TP63: variants seen among roughly 807,000 people sequenced by gnomAD.
TP63 encodes the protein tumor protein 63.
Under a neutral mutation model 82.8 loss-of-function variants are expected in TP63, and 17 were observed. The observed-to-expected ratio is 0.21, with a 90% CI of 0.14 to 0.31. TP63 has a LOEUF of 0.31. TP63 is among the 10% of genes least tolerant of loss of function. The probability of loss-of-function intolerance (pLI) is 1.00; values close to 1 mark genes in which losing one functional copy is unlikely to be tolerated. For synonymous variants in TP63, 330 were observed against 321.7 expected, an observed-to-expected ratio of 1.03 and a Z score of -0.28; for missense variants, 648 against 895.3, an observed-to-expected ratio of 0.72 and a Z score of 3.52.
intron 10 of TP63, among the ~76,000 whole-genome samples, chr3:189,875,617 T>TATATAC (rs1553859732): frequency 9.6e-6 from 1 of 104,094 alleles, no homozygotes; most frequent in African/African-American, 3.9e-5. Flanking sequence ...TATATATATA[T>TATATAC]ATATATATAT....
intron 3 of TP63, among the ~76,000 whole-genome samples, chr3:189,784,357 G>A (rs1482180131): frequency 6.6e-6 from 1 of 152,022 alleles, no homozygotes; most frequent in Non-Finnish European, 1.5e-5. Context: ...ACAGGAGTAG[G>A]GGGAAAAGTA....
intron 4 of TP63, among the ~76,000 whole-genome samples, chr3:189,810,986 G>A (rs971013662): frequency 5.9e-5 from 9 of 152,068 alleles, no homozygotes; most frequent in African/African-American, 2.2e-4. Flanking sequence ...AAAATGTTAG[G>A]TTTAAAAGAA....
At chr3:189,853,250 A>G (rs1316723225) in intron 4 of TP63, among the ~76,000 whole-genome samples, 3 of 152,332 alleles carry the variant, frequency 2.0e-5, no homozygotes, top group African/African-American at 7.2e-5. Flanking sequence ...TCTTATAGAA[A>G]TAAAAATCAG....
chr3:189,631,654 A>G, intron 1 of TP63, 77 bp downstream of exon 1: 23 of 1,608,434 alleles, frequency 1.4e-5, no homozygotes, highest in Non-Finnish European at 1.9e-5. Context: ...TCAGCTGTGT[A>G]CAAAGAACAA....
chr3:189,635,696 A>G (rs900159711), intron 1 of TP63, among the ~76,000 whole-genome samples: 2 of 151,870 alleles, frequency 1.3e-5, no homozygotes, highest in African/African-American at 4.8e-5. Context: ...AGGAGTAACC[A>G]TTTCCCGCCA....
rs182737744 is a variant in TP63, at chr3:189,705,186, T to C, written c.63-32554T>C. ...GCTGTATAGTGCAGACTCAAGAGCTTAGATGTTTTATCAGAATGAGTATGA... is the reference window on the plus strand; with the variant it reads ...GCTGTATAGTGCAGACTCAAGAGCTCAGATGTTTTATCAGAATGAGTATGA... On this transcript the variant is annotated intron_variant, in intron 1 of 13. Transcript: ENST00000264731. Among the ~76,000 whole-genome samples the C allele has an allele frequency of 3.0e-4, 46 of 152,318 alleles. No homozygotes were observed. In the East Asian group the frequency reaches 8.5e-3, roughly 28 times the overall value.
intron 3 of TP63, among the ~76,000 whole-genome samples, chr3:189,795,809 T>C (rs1354807382): frequency 6.6e-6 from 1 of 152,058 alleles, no homozygotes; most frequent in Non-Finnish European, 1.5e-5. Context: ...CTAGGGATGA[T>C]GAGTGACATC....
chr3:189,892,278 G>A (rs995084569), intron 13 of TP63, among the ~76,000 whole-genome samples: 1 of 152,122 alleles, frequency 6.6e-6, no homozygotes, highest in African/African-American at 2.4e-5. Context: ...GTGTCAGGAT[G>A]TTCCCTTGAT....
In TP63 at chr3:189,744,162, C is replaced by A. The variant is rs958692407; in HGVS notation, c.324+5388C>A. ...GCCACCAAGGCTGAGGCAAGAGCCA[C>A]AGTCAGTGACCCCTTCACCCCCCAA... On this transcript the variant is annotated intron_variant, in intron 3 of 13. Coordinates refer to ENST00000264731, the MANE Select transcript of TP63 (RefSeq NM_003722.5). Among the ~76,000 whole-genome samples, 3 of 152,180 alleles carry A rather than the reference C, an allele frequency of 2.0e-5. No homozygotes were observed. In the East Asian group the frequency reaches 5.8e-4, roughly 29 times the overall value.
intron 3 of TP63, among the ~76,000 whole-genome samples, chr3:189,780,946 G>T (rs753121645): frequency 1.2e-4 from 19 of 152,198 alleles, no homozygotes; most frequent in South Asian, 8.3e-4. Context: ...TGTGTTTGTG[G>T]TAAGGGCTAT....
intron 3 of TP63, among the ~76,000 whole-genome samples, chr3:189,785,834 G>A (rs1220527388): frequency 6.6e-6 from 1 of 151,958 alleles, no homozygotes; most frequent in Non-Finnish European, 1.5e-5. Context: ...TAGTGAGGGA[G>A]CTCTAGCAGG....
At chr3:189,731,295 G>A (rs1030264402) in intron 1 of TP63, among the ~76,000 whole-genome samples, 2 of 152,020 alleles carry the variant, frequency 1.3e-5, no homozygotes, top group African/African-American at 4.8e-5. Context: ...AGTGAACCAA[G>A]ATGGTGCCAC....
At chr3:189,782,714 A>G (rs931668430) in intron 3 of TP63, among the ~76,000 whole-genome samples, 15 of 152,174 alleles carry the variant, frequency 9.9e-5, no homozygotes, top group Non-Finnish European at 1.6e-4. Context: ...CACTATTCAA[A>G]CACAATTTAG....
chr3:189,859,376 A>G (rs1716723266), intron 4 of TP63, among the ~76,000 whole-genome samples: 4 of 152,210 alleles, frequency 2.6e-5, no homozygotes, highest in Admixed American at 2.6e-4. Context: ...GCTTCAAAAA[A>G]TATCAAATAG....
At position 189,790,079 on chromosome 3, in the gene TP63, G is replaced by A. The variant is rs562776023; in HGVS notation, c.325-18193G>A. ...AAAAAGAAAATCTGGGTGACATTATGTATTTGAAAAAATAATATTCAGGAG... is the reference window on the plus strand; with the variant it reads ...AAAAAGAAAATCTGGGTGACATTATATATTTGAAAAAATAATATTCAGGAG... On this transcript the variant is annotated intron_variant, in intron 3 of 13. Coordinates refer to ENST00000264731, the MANE Select transcript of TP63 (RefSeq NM_003722.5). Among the ~76,000 whole-genome samples the A allele has an allele frequency of 2.8e-3, 418 of 151,540 alleles. 3 individuals are homozygous for A. The highest frequency in any genetic ancestry group is 0.013 in the South Asian group (62 of 4,812).
intron 10 of TP63, among the ~76,000 whole-genome samples, chr3:189,877,953 C>T (rs990568050): frequency 2.0e-5 from 3 of 152,064 alleles, no homozygotes; most frequent in Admixed American, 6.5e-5. Flanking sequence ...TGGGCTCAAG[C>T]GATCCCCTGC....
chr3:189,699,782 A>T (rs934579241), intron 1 of TP63, among the ~76,000 whole-genome samples: 2 of 152,150 alleles, frequency 1.3e-5, no homozygotes, highest in African/African-American at 4.8e-5. Context: ...GATAATTTAA[A>T]TTTTTTGCTT....
intron 1 of TP63, among the ~76,000 whole-genome samples, chr3:189,657,560 T>A (rs1012096639): frequency 6.6e-6 from 1 of 152,098 alleles, no homozygotes; most frequent in South Asian, 2.1e-4. Flanking sequence ...GGAGATACAA[T>A]TTAACAATAT....
At chr3:189,771,380 CTA>C (rs1191853303) in intron 3 of TP63, among the ~76,000 whole-genome samples, 12 of 126,578 alleles carry the variant, frequency 9.5e-5, no homozygotes, top group Non-Finnish European at 1.3e-4. Flanking sequence ...TCAATATAGA[CTA>C]TATTATATAT....
Sources: allele counts gnomAD v4.1 joint callset (sites outside exome capture counted in the v4.1 genomes callset), GRCh38; gene constraint gnomAD v4.1.1; transcripts MANE v1.5; gene names NCBI Gene and HGNC (gene_info 2026-07-23, HGNC 2026-07-21).